The following ATAD2B variants were observed in gnomAD, a reference collection of about 807,000 sequenced individuals.
ATAD2B encodes the protein ATPase family AAA domain containing 2B.
A neutral mutation model predicts 167.6 loss-of-function variants in ATAD2B; 40 were observed. The ratio of observed to expected loss-of-function variants is 0.24; its 90% confidence interval spans 0.19 to 0.31. ATAD2B has a LOEUF of 0.31. ATAD2B is among the 10% of genes least tolerant of loss of function. ATAD2B has a pLI of 1.00. For synonymous variants in ATAD2B, 579 were observed against 596.5 expected, an observed-to-expected ratio of 0.97 and a Z score of 0.43; for missense variants, 1,242 against 1,757.2, an observed-to-expected ratio of 0.71 and a Z score of 5.24.
At chr2:23,772,221 TG>T (rs1678443332) in intron 22 of ATAD2B, among the ~76,000 whole-genome samples, 1 of 152,202 alleles carries the variant, frequency 6.6e-6, no homozygotes, top group Non-Finnish European at 1.5e-5. Flanking sequence ...AGAAGTCTCC[TG>T]GTGTCTTTTA....
chr2:23,924,696 T>A (rs1704461234), intron 1 of ATAD2B, among the ~76,000 whole-genome samples: 1 of 152,236 alleles, frequency 6.6e-6, no homozygotes, highest in Non-Finnish European at 1.5e-5. Context: ...CTGTTATTTA[T>A]GGTGCTTTAA....
chr2:23,903,451 C>G (rs908002905), intron 1 of ATAD2B, among the ~76,000 whole-genome samples: 2 of 152,020 alleles, frequency 1.3e-5, no homozygotes, highest in Admixed American at 1.3e-4. Flanking sequence ...ACTTAAGCAA[C>G]TTTTTTAATT....
intron 27 of ATAD2B, among the ~76,000 whole-genome samples, chr2:23,753,241 C>T (rs1243105824): frequency 6.6e-6 from 1 of 152,038 alleles, no homozygotes; most frequent in Non-Finnish European, 1.5e-5. Context: ...TCATATATTG[C>T]CAAATAAGAA....
intron 13 of ATAD2B, among the ~76,000 whole-genome samples, chr2:23,836,228 G>A (rs1334515585): frequency 6.6e-6 from 1 of 152,190 alleles, no homozygotes; most frequent in Non-Finnish European, 1.5e-5. Flanking sequence ...CACCGGGGCG[G>A]GCAGCTCCAG....
the ATAD2B span, among the ~76,000 whole-genome samples, chr2:23,728,182 T>A: frequency 2.6e-5 from 4 of 152,106 alleles, no homozygotes; most frequent in African/African-American, 4.8e-5. Flanking sequence ...TAAGGGAAAT[T>A]TCAGTATGTT....
chr2:23,738,073 T>C, the ATAD2B span, among the ~76,000 whole-genome samples: 4 of 152,194 alleles, frequency 2.6e-5, no homozygotes, highest in African/African-American at 2.4e-5. Context: ...CTACATCTGA[T>C]TGGTGTACCT....
chr2:23,787,641 A>C (rs1681022529), intron 20 of ATAD2B, among the ~76,000 whole-genome samples: 1 of 152,008 alleles, frequency 6.6e-6, no homozygotes, highest in African/African-American at 2.4e-5. Context: ...AAAAACAAAC[A>C]AAGTAAAAAG....
intron 26 of ATAD2B, 134 bp downstream of exon 26, chr2:23,754,513 C>G (rs1675726954): frequency 8.1e-7 from 1 of 1,227,722 alleles, no homozygotes; most frequent in Non-Finnish European, 1.1e-6. Flanking sequence ...ACACATAACT[C>G]TTTTTTACTA....
At position 23,823,398 on chromosome 2, in the gene ATAD2B, G is replaced by T; in HGVS notation, c.1991C>A (p.Ser664Tyr). Residue 664 changes from serine (S) to tyrosine (Y), a missense_variant, in exon 16 of 28, where the codon TCC (serine) becomes TAC (tyrosine). Ser to Tyr is a moderately radical substitution (Grantham distance 144). This residue lies in a region of ATAD2B where 145 missense variants were observed against 181.9 expected (regional missense o/e 0.80). Coordinates refer to ENST00000238789, the MANE Select transcript of ATAD2B (RefSeq NM_017552.4). The stretch of plus-strand genomic sequence containing the variant: ...CCCTGAAGACATCACAGCACGTTGG[G>T]AAGCAGGCACGATATTCTGCATTGC... Reference protein sequence around the residue: ...YHAMQNIVPASQRAVMSSGHA... With the variant: ...YHAMQNIVPAYQRAVMSSGHA... 6.2e-7 allele frequency: 1 copy of T among 1,613,974 alleles called. No individual in the cohort carries two copies. The highest frequency in any genetic ancestry group is 8.5e-7 in the Non-Finnish European group (1 of 1,179,884).
intron 13 of ATAD2B, among the ~76,000 whole-genome samples, chr2:23,837,160 T>C (rs934168697): frequency 1.8e-4 from 27 of 152,318 alleles, no homozygotes; most frequent in African/African-American, 6.5e-4. Context: ...TGGAGGGGGC[T>C]GTGGCAGCAG....
chr2:23,884,120 G>A (rs1389766326), intron 6 of ATAD2B, among the ~76,000 whole-genome samples: 1 of 151,992 alleles, frequency 6.6e-6, no homozygotes, highest in Non-Finnish European at 1.5e-5. Context: ...CTCCAGCCTG[G>A]GCAACAAGAA....
At chr2:23,761,802 A>G (rs1248304283) in intron 24 of ATAD2B, among the ~76,000 whole-genome samples, 3 of 152,178 alleles carry the variant, frequency 2.0e-5, no homozygotes, top group Non-Finnish European at 4.4e-5. Flanking sequence ...AGAAAAATCA[A>G]CTTCCTGTTG....
chr2:23,865,031 G>A, intron 10 of ATAD2B, 107 bp from the exon 11 acceptor site: 1 of 593,500 alleles, frequency 1.7e-6, no homozygotes. Flanking sequence ...GCCTTTAGCA[G>A]AAGCTTTTAA....
At chr2:23,748,025 C>A (rs1214779077), downstream of ATAD2B, among the ~76,000 whole-genome samples, 1 of 152,040 alleles carries the variant, frequency 6.6e-6, no homozygotes, top group Non-Finnish European at 1.5e-5. Flanking sequence ...TTATTATTAA[C>A]AATCTTTTGA....
Position 23,884,853 on chromosome 2 carries a change from T to A in ATAD2B, c.696A>T (p.Ser232=). The change falls in exon 6 of 28, where the codon TCA becomes TCT. Residue 232 remains serine (S), a synonymous_variant. Coordinates refer to ENST00000238789, the MANE Select transcript of ATAD2B (RefSeq NM_017552.4). ...GTGACTTTCTTCGCCTTTTCACTCTTGAATACATATCCATGTTTTCCTTTT... is the reference window on the plus strand; with the variant it reads ...GTGACTTTCTTCGCCTTTTCACTCTAGAATACATATCCATGTTTTCCTTTT... The part of the protein sequence containing the change: ...DTEFENMDMY[S]RVKRRRKSLR... 6.3e-7 allele frequency: 1 copy of A among 1,579,052 alleles called. No individual in the cohort carries two copies. The highest frequency in any genetic ancestry group is 8.6e-7 in the Non-Finnish European group (1 of 1,161,430).
At chr2:23,844,086 C>T (rs1361079605) in intron 13 of ATAD2B, among the ~76,000 whole-genome samples, 2 of 151,948 alleles carry the variant, frequency 1.3e-5, no homozygotes, top group African/African-American at 4.8e-5. Flanking sequence ...TTACAGGCAC[C>T]CGCCACCATG....
the ATAD2B span, among the ~76,000 whole-genome samples, chr2:23,692,097 C>A: frequency 6.6e-6 from 1 of 152,218 alleles, no homozygotes; most frequent in Admixed American, 6.5e-5. Context: ...CGTGTCATTT[C>A]TCTGTAGGTG....
intron 1 of ATAD2B, among the ~76,000 whole-genome samples, chr2:23,911,140 G>T (rs1350112279): frequency 5.9e-5 from 9 of 151,390 alleles, no homozygotes; most frequent in Admixed American, 5.9e-4. Flanking sequence ...AGAACTGCTT[G>T]AACCCAGGGG....
chr2:23,910,173 CTTT>C (rs756806271), intron 1 of ATAD2B, among the ~76,000 whole-genome samples: 6 of 106,896 alleles, frequency 5.6e-5, no homozygotes, highest in Non-Finnish European at 7.7e-5. Context: ...CTTGCATACT[CTTT>C]TTTTTTTTTT....
Sources: gnomAD v4.1 joint callset for allele counts (sites outside exome capture counted in the v4.1 genomes callset) on GRCh38, gnomAD v4.1.1 for gene constraint, gnomAD v4.1.1 regional missense constraint, MANE v1.5 for transcripts, NCBI Gene and HGNC (gene_info 2026-07-23, HGNC 2026-07-21) for gene names.